Variants in NPAS3 observed in about 807,000 individuals in gnomAD.
NPAS3 encodes the protein neuronal PAS domain-containing protein 3.
Under a neutral mutation model 73.1 loss-of-function variants are expected in NPAS3, and 14 were observed. The ratio of observed to expected loss-of-function variants is 0.19; its 90% CI spans 0.13 to 0.30. NPAS3 has a LOEUF of 0.30. Ranked by LOEUF, NPAS3 falls within the 10% of genes least tolerant of loss-of-function variation. The pLI is 1.00. For missense variants in NPAS3, 1,096 were observed against 1,250.0 expected (o/e 0.88, Z 1.86); for synonymous variants, 620 against 541.5 (o/e 1.14, Z -2.01).
Position 33,004,817 on chromosome 14 carries a change from C to CTTTTTT in NPAS3, c.51-51074_51-51069dup. 1.1e-3 allele frequency among the ~76,000 whole-genome samples: 72 copies of CTTTTTT among 63,934 alleles called. 3 individuals carry two copies. Among genetic ancestry groups the CTTTTTT allele is most frequent in the Non-Finnish European group, 2.2e-3 (62 of 28,590 alleles). The allele number at this position is 63,934 out of a possible 152,430, so 41.9% of individuals were successfully genotyped here. On this transcript the variant is annotated intron_variant, in intron 1 of 11. Transcript: ENST00000356141. Reference sequence around the variant, plus strand: ...CTTTTTTCTATTGTAAAAAGTTTTCCTTTTTTTTTTTTTTTTTTTAGTTTT... The same window carrying CTTTTTT: ...CTTTTTTCTATTGTAAAAAGTTTTCCTTTTTTTTTTTTTTTTTTTTTTTTTAGTTTT...
At chr14:33,504,168 G>T (rs568850670) in intron 4 of NPAS3, among the ~76,000 whole-genome samples, 1 of 152,008 alleles carries the variant, frequency 6.6e-6, no homozygotes, top group East Asian at 1.9e-4. Context: ...CTTACCAGTG[G>T]ATCTCAAGTT....
At chr14:33,655,955 TTGAGGCCATAGTCTAAATAGGGACATTC>T in intron 5 of NPAS3, among the ~76,000 whole-genome samples, 1 of 152,312 alleles carries the variant, frequency 6.6e-6, no homozygotes, top group Non-Finnish European at 1.5e-5. Context: ...GGAATAACTC[TTGAGGCCATAGTCTAAATAGGGACATTC>T]TGAGGCCACC....
Position 33,619,735 on chromosome 14 carries a change from C to T in NPAS3, c.559-56476C>T, listed in dbSNP as rs192049169. The stretch of plus-strand genomic sequence containing the variant: ...AAAAAAGGTGCATTATTGGGAAGGA[C>T]TTTGATAGTGGTGTATTTTACAGTT... On this transcript the variant is annotated intron_variant, in intron 5 of 11. Coordinates refer to ENST00000356141, the Ensembl canonical transcript of NPAS3. 3.3e-3 allele frequency among the ~76,000 whole-genome samples: 505 copies of T among 152,250 alleles called. 2 individuals carry two copies. The highest frequency in any genetic ancestry group is 0.012 in the African/African-American group (484 of 41,546).
intron 2 of NPAS3, among the ~76,000 whole-genome samples, chr14:33,096,435 ATT>A (rs1229871863): frequency 1.3e-5 from 2 of 152,296 alleles, no homozygotes; most frequent in Admixed American, 1.3e-4. Context: ...ATCTAAGCCA[ATT>A]TAGTTTCAAA....
intron 3 of NPAS3, among the ~76,000 whole-genome samples, chr14:33,264,427 A>T (rs2049095212): frequency 6.6e-6 from 1 of 152,168 alleles, no homozygotes; most frequent in African/African-American, 2.4e-5. Flanking sequence ...ATAATAATAA[A>T]AAAAAGAAAA....
chr14:33,234,942 T>C (rs1374250743), intron 3 of NPAS3, among the ~76,000 whole-genome samples: 1 of 152,126 alleles, frequency 6.6e-6, no homozygotes, highest in African/African-American at 2.4e-5. Flanking sequence ...ATTGTAGCTA[T>C]GTCTGTAATG....
At chr14:32,942,668 G>A (rs1418916268) in intron 1 of NPAS3, among the ~76,000 whole-genome samples, 2 of 152,202 alleles carry the variant, frequency 1.3e-5, no homozygotes, top group African/African-American at 4.8e-5. Context: ...AGTAGCACAA[G>A]GCTTTTGGTT....
chr14:33,789,494 T>C (rs2063282314), intron 9 of NPAS3, among the ~76,000 whole-genome samples: 1 of 152,090 alleles, frequency 6.6e-6, no homozygotes, highest in African/African-American at 2.4e-5. Context: ...TTATCCTCTC[T>C]ATGTCTTCAG....
intron 5 of NPAS3, among the ~76,000 whole-genome samples, chr14:33,636,903 GCACA>G (rs34527893): frequency 6.0e-5 from 9 of 149,272 alleles, no homozygotes; most frequent in South Asian, 2.1e-4. Context: ...CTCGGAGTGT[GCACA>G]CACACACACA....
intron 4 of NPAS3, among the ~76,000 whole-genome samples, chr14:33,541,073 A>T (rs1420144895): frequency 6.7e-6 from 1 of 148,550 alleles, no homozygotes; most frequent in African/African-American, 2.5e-5. Flanking sequence ...GAATGAAAGA[A>T]CTATTGTTGG....
In NPAS3 at chr14:33,800,543, C is replaced by G; in HGVS notation, c.2236C>G (p.Pro746Ala). 1 of 1,354,492 alleles carries G rather than the reference C, an allele frequency of 7.4e-7. No homozygotes were observed. The highest frequency in any genetic ancestry group is 9.4e-7 in the Non-Finnish European group (1 of 1,061,050). The allele number at this position is 1,354,492 out of a possible 1,614,324, so 83.9% of individuals were successfully genotyped here. ...GGCCCTGGCCCCCGTCGCCTCCGAC[C>G]CGCTGTCACCCCCGCTCTCGGCGTC... Residue 746 changes from proline (P) to alanine (A), a missense_variant, in exon 12 of 12, where the codon CCG becomes GCG. Physicochemically the swap from Pro to Ala is conservative, Grantham distance 27 (BLOSUM62 -1). This residue lies in a region of NPAS3 where 698 missense variants were observed against 676.7 expected (regional missense o/e 1.03). Coordinates refer to ENST00000356141, the Ensembl canonical transcript of NPAS3. This position sits in a 1 kb window ranked among gnomAD's most constrained non-coding sequence, Gnocchi z 6.5.
chr14:33,514,925 C>G (rs2053228149), intron 4 of NPAS3, among the ~76,000 whole-genome samples: 1 of 152,020 alleles, frequency 6.6e-6, no homozygotes, highest in South Asian at 2.1e-4. Context: ...TGTCCTTTTG[C>G]ACAGTATTTT....
At chr14:33,373,382 C>CTA (rs1218707167) in intron 4 of NPAS3, among the ~76,000 whole-genome samples, 1 of 115,734 alleles carries the variant, frequency 8.6e-6, no homozygotes, top group Non-Finnish European at 1.7e-5. Context: ...TTATATTGAA[C>CTA]TATATGTGTG....
chr14:33,505,288 C>T (rs1278151327), intron 4 of NPAS3, among the ~76,000 whole-genome samples: 1 of 151,488 alleles, frequency 6.6e-6, no homozygotes, highest in Non-Finnish European at 1.5e-5. Flanking sequence ...AATAGGTCCA[C>T]AATTGATGGC....
At chr14:33,409,100 C>A (rs1427088739) in intron 4 of NPAS3, among the ~76,000 whole-genome samples, 1 of 152,108 alleles carries the variant, frequency 6.6e-6, no homozygotes, top group East Asian at 1.9e-4. Context: ...AAATGCTTGA[C>A]TTTATTTGCA....
chr14:33,498,740 T>C (rs374068585), intron 4 of NPAS3, among the ~76,000 whole-genome samples: 18 of 151,874 alleles, frequency 1.2e-4, no homozygotes, highest in Middle Eastern at 3.4e-3. Context: ...ATGTAGATGA[T>C]GGGTTGATGG....
At chr14:33,801,956 G>T (rs2063724566), downstream of NPAS3, 1 of 152,022 alleles carries the variant, frequency 6.6e-6, no homozygotes, top group African/African-American at 2.4e-5. Context: ...TTTGCTGCAG[G>T]ACTTAAAATT....
At chr14:33,044,337 T>G (rs1406021608) in intron 1 of NPAS3, among the ~76,000 whole-genome samples, 1 of 152,220 alleles carries the variant, frequency 6.6e-6, no homozygotes, top group Non-Finnish European at 1.5e-5. Context: ...GTGATACATT[T>G]GAACCACGGT....
chr14:33,049,367 G>A (rs748022394), intron 1 of NPAS3, among the ~76,000 whole-genome samples: 1 of 152,162 alleles, frequency 6.6e-6, no homozygotes, highest in Non-Finnish European at 1.5e-5. Flanking sequence ...TGCTGATAAA[G>A]ACATACCTGA....
Sources: allele counts gnomAD v4.1 joint callset (sites outside exome capture counted in the v4.1 genomes callset), GRCh38; gene constraint gnomAD v4.1.1; regional missense constraint gnomAD v4.1.1; non-coding constraint Gnocchi (gnomAD v3.1); transcripts MANE v1.5; gene names NCBI Gene and HGNC (gene_info 2026-07-23, HGNC 2026-07-21).